Variants in SLC8A1 observed in about 807,000 individuals in gnomAD.
The protein encoded by SLC8A1 is solute carrier family 8 member A1.
A neutral mutation model predicts 68.3 loss-of-function variants in SLC8A1; 18 were observed. The ratio of observed to expected loss-of-function variants is 0.26; its 90% CI spans 0.18 to 0.39. The LOEUF (loss-of-function observed/expected upper bound fraction) is 0.39, where lower values mean the gene tolerates loss of function less well. Among genes scored for constraint, SLC8A1 ranks in the 10% least tolerant of loss-of-function variants. The pLI, the probability that SLC8A1 is intolerant of heterozygous loss-of-function variation, is 1.00. For synonymous variants in SLC8A1, 475 were observed against 415.5 expected (o/e 1.14, Z -1.74); for missense variants, 985 against 1,156.7 (o/e 0.85, Z 2.15).
chr2:40,356,923 G>A (rs1013499470), intron 2 of SLC8A1, among the ~76,000 whole-genome samples: 1 of 152,150 alleles, frequency 6.6e-6, no homozygotes, highest in African/African-American at 2.4e-5. Context: ...CAAGGCACAT[G>A]CCATGTTTTC....
intron 1 of SLC8A1, among the ~76,000 whole-genome samples, chr2:40,447,978 A>G (rs1292018523): frequency 4.6e-5 from 7 of 152,120 alleles, no homozygotes; most frequent in African/African-American, 1.7e-4. Flanking sequence ...TACTGTCTAC[A>G]CTCTTGGCTG....
At chr2:40,424,602 T>C (rs1030272878) in intron 2 of SLC8A1, among the ~76,000 whole-genome samples, 2 of 151,760 alleles carry the variant, frequency 1.3e-5, no homozygotes, top group Non-Finnish European at 3.0e-5. Context: ...CACTGAAAAA[T>C]ATAATAGTTG....
At chr2:40,358,355 C>T (rs1000668443) in intron 2 of SLC8A1, among the ~76,000 whole-genome samples, 6 of 151,754 alleles carry the variant, frequency 4.0e-5, no homozygotes, top group African/African-American at 1.5e-4. Flanking sequence ...ACATCTGCAG[C>T]CCACATAGAC....
intron 2 of SLC8A1, among the ~76,000 whole-genome samples, chr2:40,270,372 G>A (rs1574950219): frequency 6.6e-6 from 1 of 152,244 alleles, no homozygotes; most frequent in African/African-American, 2.4e-5. Context: ...TAGTTTGTAT[G>A]TCAGAAGTCT....
chr2:40,148,274 C>T (rs764592410), intron 6 of SLC8A1, among the ~76,000 whole-genome samples: 10 of 152,078 alleles, frequency 6.6e-5, no homozygotes, highest in Non-Finnish European at 1.3e-4. Context: ...ATCCTCTATT[C>T]GTGATTTATT....
upstream of SLC8A1, chr2:40,452,089 G>T (rs1266048614): frequency 6.7e-6 from 1 of 149,584 alleles, no homozygotes; most frequent in South Asian, 1.9e-4. Flanking sequence ...GGGAGCCGCG[G>T]CAGCGGGCAG....
chr2:40,164,834 G>A lies in SLC8A1; in HGVS notation c.2061+20C>T, dbSNP rs745576221. 27 of 1,612,672 alleles carry A rather than the reference G, an allele frequency of 1.7e-5. No homozygotes were observed. The highest frequency in any genetic ancestry group is 2.1e-5 in the Non-Finnish European group (25 of 1,179,354). ...CCCAAGGTGAGACTGGCTCCTGGTG[G>A]GCAGTGTTGGTGAGCATACCTTGAA... On this transcript the variant is annotated intron_variant, in intron 5 of 7. Transcript: ENST00000406785.
intron 2 of SLC8A1, among the ~76,000 whole-genome samples, chr2:40,245,840 T>C (rs893327657): frequency 1.4e-4 from 22 of 152,326 alleles, no homozygotes; most frequent in African/African-American, 5.3e-4. Flanking sequence ...GTAAGAGGTT[T>C]ATATCAGACT....
At chr2:40,386,097 G>A (rs542569037) in intron 2 of SLC8A1, among the ~76,000 whole-genome samples, 6 of 151,280 alleles carry the variant, frequency 4.0e-5, no homozygotes, top group African/African-American at 1.5e-4. Context: ...CTGATAGCAT[G>A]GAGTATGCTT....
chr2:40,224,929 C>G (rs2058783686), intron 2 of SLC8A1, among the ~76,000 whole-genome samples: 1 of 152,104 alleles, frequency 6.6e-6, no homozygotes, highest in Non-Finnish European at 1.5e-5. Context: ...TTTTACAACT[C>G]CTGAAGTAGG....
At chr2:40,169,769 C>T (rs920595155) in intron 4 of SLC8A1, among the ~76,000 whole-genome samples, 9 of 151,986 alleles carry the variant, frequency 5.9e-5, no homozygotes, top group East Asian at 1.9e-4. Flanking sequence ...GGTGAGACCC[C>T]GTCTCTACAA....
chr2:40,464,774 G>A (rs535476398), intron 1 of SLC8A1, among the ~76,000 whole-genome samples: 1 of 152,302 alleles, frequency 6.6e-6, no homozygotes, highest in South Asian at 2.1e-4. Context: ...ACCAGTTGGT[G>A]GGAGTCAACC....
exon 2 of SLC8A1, chr2:40,429,357 C>A (rs757398859): frequency 4.3e-6 from 7 of 1,613,790 alleles, no homozygotes; most frequent in Non-Finnish European, 5.9e-6. Flanking sequence ...CCTCCAGAAC[C>A]AGAGCACCAT....
chr2:40,472,557 G>A (rs1704050997), intron 1 of SLC8A1, among the ~76,000 whole-genome samples: 1 of 151,962 alleles, frequency 6.6e-6, no homozygotes, highest in African/African-American at 2.4e-5. Context: ...TAGAGACAAG[G>A]GCTTACTATG....
At chr2:40,252,826 ATATACATGTG>A (rs1199208485) in intron 2 of SLC8A1, among the ~76,000 whole-genome samples, 3 of 150,768 alleles carry the variant, frequency 2.0e-5, no homozygotes, top group Non-Finnish European at 4.4e-5. Flanking sequence ...ATATATATGT[ATATACATGTG>A]TATACATATA....
intron 1 of SLC8A1, among the ~76,000 whole-genome samples, chr2:40,495,540 G>A (rs563115173): frequency 4.3e-4 from 65 of 152,134 alleles, no homozygotes; most frequent in Non-Finnish European, 7.8e-4. Context: ...AATGTGTGTA[G>A]GAGCAAGTCA....
chr2:40,495,206 T>A (rs755841571), intron 1 of SLC8A1, among the ~76,000 whole-genome samples: 6 of 152,038 alleles, frequency 3.9e-5, no homozygotes, highest in Non-Finnish European at 8.8e-5. Context: ...ATTATCTGAG[T>A]CACAAGACAT....
chr2:40,276,363 G>C (rs910754463), intron 2 of SLC8A1, among the ~76,000 whole-genome samples: 2 of 152,194 alleles, frequency 1.3e-5, no homozygotes. Flanking sequence ...AAAACAAGCA[G>C]TGAGATTGTT....
At chr2:40,268,261 AGGTGATTCCT>A (rs1336606184) in intron 2 of SLC8A1, among the ~76,000 whole-genome samples, 1 of 152,110 alleles carries the variant, frequency 6.6e-6, no homozygotes, top group African/African-American at 2.4e-5. Context: ...GGCAGGGACC[AGGTGATTCCT>A]GGTCCCTACA....
Sources: gnomAD v4.1 joint callset for allele counts (sites outside exome capture counted in the v4.1 genomes callset) on GRCh38, gnomAD v4.1.1 for gene constraint, MANE v1.5 for transcripts, NCBI Gene and HGNC (gene_info 2026-07-23, HGNC 2026-07-21) for gene names.